Variants in WNT8B observed in about 807,000 individuals in gnomAD.
WNT8B encodes the protein Wnt family member 8B.
In WNT8B, 24 loss-of-function variants were observed where a neutral mutation model predicts 36.6. The ratio of observed to expected loss-of-function variants is 0.66; its 90% CI spans 0.48 to 0.92. The LOEUF (loss-of-function observed/expected upper bound fraction) is 0.92. Among genes scored for constraint, WNT8B ranks in the 40% least tolerant of loss-of-function variants. The pLI is 0.00. For missense variants in WNT8B, 402 were observed against 470.8 expected (o/e 0.85, Z 1.35); for synonymous variants, 199 against 189.8 (o/e 1.05, Z -0.40).
chr10:100,480,069 AG>A, intron 3 of WNT8B, 57 bp downstream of exon 3: 1 of 1,590,858 alleles, frequency 6.3e-7, no homozygotes, highest in South Asian at 1.1e-5. Flanking sequence ...TTAGAGCCCC[AG>A]GGATAGCCCC....
intron 1 of WNT8B, among the ~76,000 whole-genome samples, chr10:100,474,400 G>A (rs1851010587): frequency 6.6e-6 from 1 of 152,118 alleles, no homozygotes; most frequent in Non-Finnish European, 1.5e-5. Flanking sequence ...ACATAGAGGT[G>A]GCACCCATAC....
intron 1 of WNT8B, 83 bp from the exon 2 acceptor site, chr10:100,478,969 A>C: frequency 1.7e-6 from 2 of 1,211,962 alleles, no homozygotes; most frequent in Non-Finnish European, 2.3e-6. Flanking sequence ...CATGTGCTGA[A>C]GTAATTCTTA....
chr10:100,478,848 G>A (rs902790791), intron 1 of WNT8B, among the ~76,000 whole-genome samples: 2 of 152,144 alleles, frequency 1.3e-5, no homozygotes, highest in Admixed American at 6.5e-5. Flanking sequence ...CTCCCAAAGT[G>A]CTGGGAATAC....
chr10:100,467,051 A>T (rs922034545), intron 1 of WNT8B, among the ~76,000 whole-genome samples: 3 of 152,130 alleles, frequency 2.0e-5, no homozygotes, highest in Non-Finnish European at 4.4e-5. Context: ...GGTCACATAA[A>T]TAACATTCCC....
intron 1 of WNT8B, among the ~76,000 whole-genome samples, chr10:100,473,494 T>G (rs1851001291): frequency 6.6e-6 from 1 of 152,212 alleles, no homozygotes; most frequent in Admixed American, 6.5e-5. Context: ...AGATTGCCTA[T>G]GCTGGACATT....
chr10:100,473,180 CAG>C (rs1385994098), intron 1 of WNT8B, among the ~76,000 whole-genome samples: 1 of 152,156 alleles, frequency 6.6e-6, no homozygotes, highest in East Asian at 1.9e-4. Flanking sequence ...TCATATGAAA[CAG>C]AGAAAAGTTG....
intron 1 of WNT8B, among the ~76,000 whole-genome samples, chr10:100,478,570 T>C (rs1177881616): frequency 6.8e-6 from 1 of 147,598 alleles, no homozygotes; most frequent in African/African-American, 2.5e-5. Flanking sequence ...CTAAGTTTTA[T>C]GTGTGTGTGT....
Position 100,482,985 on chromosome 10 carries a change from T to G in WNT8B, c.*169T>G. 2.7e-6 allele frequency: 2 copies of G among 738,844 alleles called. No individual in the cohort carries two copies. The highest frequency in any genetic ancestry group is 4.2e-6 in the Non-Finnish European group (2 of 481,060). The allele number at this position is 738,844 out of a possible 1,614,324, so 45.8% of individuals were successfully genotyped here. A position where few individuals can be genotyped will look rare whatever the true frequency, so the allele number is the denominator to read the frequency against. On this transcript the variant is annotated 3_prime_UTR_variant, in exon 6 of 6. Coordinates refer to ENST00000343737, the MANE Select transcript of WNT8B (RefSeq NM_003393.4). The surrounding 1 kb of genome is among the most constrained non-coding windows in gnomAD (Gnocchi z 6.6). Reference sequence around the variant, plus strand: ...GCCACTTTCCAGCCTGTTTCCCCAATTCCTCTGTGCTCTCCTAGAGCTCTG... The same window carrying G: ...GCCACTTTCCAGCCTGTTTCCCCAAGTCCTCTGTGCTCTCCTAGAGCTCTG...
intron 1 of WNT8B, among the ~76,000 whole-genome samples, chr10:100,471,034 T>C (rs753560302): frequency 6.6e-6 from 1 of 152,234 alleles, no homozygotes; most frequent in Admixed American, 6.5e-5. Context: ...TGAGCCACCA[T>C]GCCAGGCCTA....
chr10:100,464,869 G>A (rs1003780518), intron 1 of WNT8B, among the ~76,000 whole-genome samples: 3 of 152,040 alleles, frequency 2.0e-5, no homozygotes, highest in Non-Finnish European at 4.4e-5. Context: ...TGTTTGTGGT[G>A]GCATTTGAAA....
chr10:100,479,700 T>C (rs962590379), intron 2 of WNT8B, among the ~76,000 whole-genome samples, 174 bp from the exon 3 acceptor site: 18 of 152,204 alleles, frequency 1.2e-4, no homozygotes, highest in African/African-American at 2.4e-5. Flanking sequence ...TCCTAATCTA[T>C]AATATAGTGC....
At chr10:100,478,938 T>G (rs1851074859) in intron 1 of WNT8B, 114 bp from the exon 2 acceptor site, 1 of 894,228 alleles carries the variant, frequency 1.1e-6, no homozygotes, top group Non-Finnish European at 1.7e-6. Flanking sequence ...AAAACTAGTT[T>G]CCCTTTCTTC....
intron 4 of WNT8B, 89 bp from the exon 5 acceptor site, chr10:100,481,823 C>A (rs969272663): frequency 1.3e-6 from 2 of 1,542,240 alleles, no homozygotes; most frequent in African/African-American, 2.7e-5. Flanking sequence ...ATCCTGGACC[C>A]CCCCACCCCC....
intron 1 of WNT8B, among the ~76,000 whole-genome samples, chr10:100,471,853 A>G (rs1774314718): frequency 6.6e-6 from 1 of 152,142 alleles, no homozygotes; most frequent in African/African-American, 2.4e-5. Context: ...TTCAAAGTAC[A>G]TGGTCAGTCC....
chr10:100,473,671 A>G (rs953853629), intron 1 of WNT8B, among the ~76,000 whole-genome samples: 3 of 152,212 alleles, frequency 2.0e-5, no homozygotes, highest in Admixed American at 6.5e-5. Flanking sequence ...TCATGCCTGT[A>G]ATCTTGCACT....
intron 1 of WNT8B, among the ~76,000 whole-genome samples, chr10:100,466,563 C>T (rs921099224): frequency 1.3e-5 from 2 of 152,030 alleles, no homozygotes; most frequent in East Asian, 1.9e-4. Flanking sequence ...TGTTATGAAA[C>T]CAGTTTGTGT....
intron 1 of WNT8B, among the ~76,000 whole-genome samples, chr10:100,471,336 T>C (rs1850974989): frequency 6.6e-6 from 1 of 152,210 alleles, no homozygotes; most frequent in South Asian, 2.1e-4. Flanking sequence ...TTCTCCCTAC[T>C]CTTTTATACA....
At chr10:100,473,751 C>A (rs1352918104) in intron 1 of WNT8B, among the ~76,000 whole-genome samples, 1 of 152,088 alleles carries the variant, frequency 6.6e-6, no homozygotes, top group Non-Finnish European at 1.5e-5. Flanking sequence ...CGTGGCCAAA[C>A]CCCATCTCTA....
intron 4 of WNT8B, among the ~76,000 whole-genome samples, chr10:100,481,583 G>C (rs1316817971): frequency 6.6e-6 from 1 of 152,032 alleles, no homozygotes; most frequent in African/African-American, 2.4e-5. Context: ...GTCCCTTCTG[G>C]ACCTCAATCA....
Sources: allele counts gnomAD v4.1 joint callset (sites outside exome capture counted in the v4.1 genomes callset), GRCh38; gene constraint gnomAD v4.1.1; non-coding constraint Gnocchi (gnomAD v3.1); transcripts MANE v1.5; gene names NCBI Gene and HGNC (gene_info 2026-07-23, HGNC 2026-07-21).